TRPM3: variants seen among roughly 807,000 people sequenced by gnomAD.
TRPM3 encodes the protein transient receptor potential cation channel subfamily M member 3.
TRPM3 carries 77 observed loss-of-function variants against 181.2 expected under a neutral mutation model. That is an observed-to-expected ratio of 0.42 (90% CI 0.35 to 0.51). TRPM3 has a LOEUF of 0.51. Ranked by LOEUF, TRPM3 falls within the 20% of genes least tolerant of loss-of-function variation. The probability of loss-of-function intolerance (pLI) is 0.01; values close to 1 mark genes in which losing one functional copy is unlikely to be tolerated. For missense variants in TRPM3, 1,759 were observed against 2,196.7 expected (o/e 0.80, Z 3.98); for synonymous variants, 745 against 796.4 (o/e 0.94, Z 1.09).
At position 70,652,578 on chromosome 9, in the gene TRPM3, G is replaced by T. The variant is rs376070100; in HGVS notation, c.1346-11918C>A. Reference sequence around the variant, plus strand: ...ACAGTGACAGCCAATTACATGCTGGGCATATTACATGTATGATCTCATTTA... The same window carrying T: ...ACAGTGACAGCCAATTACATGCTGGTCATATTACATGTATGATCTCATTTA... On this transcript the variant is annotated intron_variant, in intron 9 of 25. Coordinates refer to ENST00000677713, the MANE Select transcript of TRPM3 (RefSeq NM_001366145.2). 1.4e-4 allele frequency among the ~76,000 whole-genome samples: 22 copies of T among 152,258 alleles called. 1 individual carries two copies. The South Asian group carries it at 4.1e-3, about 29-fold the overall frequency.
Position 70,598,183 on chromosome 9 carries a change from G to A in TRPM3, c.3048+236C>T, listed in dbSNP as rs552979405. The stretch of plus-strand genomic sequence containing the variant: ...CTAGTCCAGTGTCCAGCATAAAATA[G>A]ATGATCTTATGTATTTTTCAGTAAA... On this transcript the variant is annotated intron_variant, in intron 21 of 25. Coordinates refer to ENST00000677713, the MANE Select transcript of TRPM3 (RefSeq NM_001366145.2). Among the ~76,000 whole-genome samples the A allele has an allele frequency of 2.0e-5, 3 of 152,274 alleles. No individual in the cohort carries two copies. The South Asian group carries it at 6.2e-4, about 32-fold the overall frequency.
At chr9:71,241,500 G>C (rs924749048) in intron 1 of TRPM3, among the ~76,000 whole-genome samples, 2 of 131,980 alleles carry the variant, frequency 1.5e-5, no homozygotes, top group African/African-American at 5.6e-5. Flanking sequence ...CTGCCGTGGG[G>C]TGGGGGGAGG....
At chr9:70,951,631 C>T (rs376943216) in intron 1 of TRPM3, among the ~76,000 whole-genome samples, 46 of 152,254 alleles carry the variant, frequency 3.0e-4, no homozygotes, top group Middle Eastern at 3.4e-3. Context: ...CATGAGCCAC[C>T]ATGCCTGGCC....
intron 1 of TRPM3, among the ~76,000 whole-genome samples, chr9:71,170,682 T>C (rs1435841319): frequency 6.6e-6 from 1 of 152,216 alleles, no homozygotes; most frequent in Admixed American, 6.5e-5. Flanking sequence ...TCAATACCCT[T>C]GTGATTTCCT....
Position 70,886,695 on chromosome 9 carries a change from G to A in TRPM3, c.178-22184C>T, listed in dbSNP as rs547620745. On this transcript the variant is annotated intron_variant, in intron 1 of 25. Coordinates refer to ENST00000677713, the MANE Select transcript of TRPM3 (RefSeq NM_001366145.2). ...TTCTTTTTTTTTGAGATGGAATTTC[G>A]CTCTTGTCGCCCAGGCTGGAGTGTA... is the stretch of plus-strand genomic sequence containing the variant. 7.3e-5 allele frequency among the ~76,000 whole-genome samples: 11 copies of A among 150,746 alleles called. No homozygotes were observed. In the East Asian group the frequency reaches 9.8e-4, roughly 13 times the overall value.
At chr9:71,398,877 A>T (rs554838032) in intron 1 of TRPM3, among the ~76,000 whole-genome samples, 1 of 152,182 alleles carries the variant, frequency 6.6e-6, no homozygotes, top group South Asian at 2.1e-4. Context: ...GTACATAAAT[A>T]TTGAAAAATA....
At chr9:71,355,838 C>A (rs1434750957) in intron 1 of TRPM3, among the ~76,000 whole-genome samples, 1 of 107,124 alleles carries the variant, frequency 9.3e-6, no homozygotes, top group Non-Finnish European at 2.1e-5. Flanking sequence ...ACAAAATATT[C>A]CATTTTTTTT....
rs71367252 is a variant in TRPM3 at position 71,069,608 on chromosome 9, C to CTT, written c.177+51568_177+51569dup. Among the ~76,000 whole-genome samples, 92 of 126,650 alleles carry CTT rather than the reference C, an allele frequency of 7.3e-4. 2 individuals carry two copies. Among genetic ancestry groups the CTT allele is most frequent in the African/African-American group, 1.4e-3 (50 of 35,776 alleles). 83.1% of individuals were successfully genotyped at this position (126,650 alleles called of 152,430 possible). On this transcript the variant is annotated intron_variant, in intron 1 of 25. Transcript: ENST00000677713. ...GCCTGTATGCCAAAATTCCTTTTTT[C>CTT]TTTTTTTTTTTTTTTTTTGAGACGG...
Position 70,623,667 on chromosome 9 carries a change from TTTTAC to T in TRPM3, c.1809+1519_1809+1523del, listed in dbSNP as rs138650607. Among the ~76,000 whole-genome samples the T allele has an allele frequency of 9.4e-3, 1,434 of 152,278 alleles. 23 individuals are homozygous for T. Among genetic ancestry groups the T allele is most frequent in the African/African-American group, 0.033 (1,369 of 41,540 alleles). On this transcript the variant is annotated intron_variant, in intron 14 of 25. Transcript: ENST00000677713. ...CATTTGCAGAAAGCAAATGCAACCG[TTTTAC>T]TTAAGAATGGCCTTGTTGAGGTCTA...
At chr9:70,961,166 G>A (rs148435029) in intron 1 of TRPM3, among the ~76,000 whole-genome samples, 214 of 152,266 alleles carry the variant, frequency 1.4e-3, no homozygotes, top group African/African-American at 4.8e-3. Flanking sequence ...ATGTGATGAC[G>A]TAGACAGAGG....
chr9:71,284,026 G>A (rs569202088), intron 1 of TRPM3, among the ~76,000 whole-genome samples: 3 of 152,324 alleles, frequency 2.0e-5, no homozygotes, highest in African/African-American at 7.2e-5. Context: ...ATGAGCCCTG[G>A]TTCTGCCACT....
intron 1 of TRPM3, among the ~76,000 whole-genome samples, chr9:71,416,092 T>C (rs1490757396): frequency 6.6e-6 from 1 of 151,672 alleles, no homozygotes; most frequent in African/African-American, 2.4e-5. Context: ...TTAATAGCAT[T>C]GTATTTCACA....
chr9:70,543,048 A>G (rs1337945940), intron 25 of TRPM3, among the ~76,000 whole-genome samples: 5 of 152,222 alleles, frequency 3.3e-5, no homozygotes, highest in Non-Finnish European at 7.3e-5. Flanking sequence ...CAGCTTTGGA[A>G]AAAGATACGG....
Position 71,118,946 on chromosome 9 carries a change from C to T in TRPM3, c.177+2232G>A, listed in dbSNP as rs182779753. Among the ~76,000 whole-genome samples, 69 of 152,226 alleles carry T rather than the reference C, an allele frequency of 4.5e-4. 1 individual carries two copies. The highest frequency in any genetic ancestry group is 3.9e-3 in the Admixed American group (60 of 15,298). Reference sequence around the variant, plus strand: ...TTATTATTCATGAACTTACATTTTACTCAAAAGATAAAATGGCAAGAATAC... The same window carrying T: ...TTATTATTCATGAACTTACATTTTATTCAAAAGATAAAATGGCAAGAATAC... On this transcript the variant is annotated intron_variant, in intron 1 of 25. Transcript: ENST00000677713.
At chr9:70,984,550 G>T (rs1267185151) in intron 1 of TRPM3, among the ~76,000 whole-genome samples, 2 of 152,166 alleles carry the variant, frequency 1.3e-5, no homozygotes, top group East Asian at 3.8e-4. Flanking sequence ...TAAAATAAAA[G>T]CTACTGGGAT....
At chr9:71,326,390 A>G (rs2089682617) in intron 1 of TRPM3, among the ~76,000 whole-genome samples, 1 of 152,218 alleles carries the variant, frequency 6.6e-6, no homozygotes, top group South Asian at 2.1e-4. Flanking sequence ...TCTTTGTATC[A>G]CAAGTATGTA....
At chr9:71,335,449 C>T (rs907246947) in intron 1 of TRPM3, among the ~76,000 whole-genome samples, 4 of 152,062 alleles carry the variant, frequency 2.6e-5, no homozygotes, top group African/African-American at 9.7e-5. Context: ...ACAGTGAGTA[C>T]TTTTAAAATA....
intron 1 of TRPM3, among the ~76,000 whole-genome samples, chr9:71,241,484 C>T (rs920027715): frequency 8.1e-6 from 1 of 123,454 alleles, no homozygotes; most frequent in Admixed American, 9.9e-5. Flanking sequence ...CATCACACAC[C>T]GGGGCCTGCC....
chr9:71,326,244 A>T lies in TRPM3; in HGVS notation c.183+120409T>A, dbSNP rs562681004. Among the ~76,000 whole-genome samples, 33 of 152,350 alleles carry T rather than the reference A, an allele frequency of 2.2e-4. No individual in the cohort carries two copies. In the East Asian group the frequency reaches 4.8e-3, roughly 22 times the overall value. On this transcript the variant is annotated intron_variant, in intron 1 of 24. Coordinates refer to the TRPM3 transcript ENST00000357533. ...TACATTTCTAAGAAAGATGATATTTATTAATAATTTAGAAGAAATCAAGAA... is the reference window on the plus strand; with the variant it reads ...TACATTTCTAAGAAAGATGATATTTTTTAATAATTTAGAAGAAATCAAGAA...
Sources: gnomAD v4.1 joint callset for allele counts (sites outside exome capture counted in the v4.1 genomes callset) on GRCh38, gnomAD v4.1.1 for gene constraint, MANE v1.5 for transcripts, NCBI Gene and HGNC (gene_info 2026-07-23, HGNC 2026-07-21) for gene names.